Variants in SMYD5 observed in about 807,000 individuals in gnomAD.
SMYD5 encodes SMYD family member 5.
SMYD5 carries 35 observed loss-of-function variants against 57.4 expected under a neutral mutation model. The ratio of observed to expected loss-of-function variants is 0.61; its 90% CI spans 0.47 to 0.81. The LOEUF (loss-of-function observed/expected upper bound fraction) is 0.81. Ranked by LOEUF, SMYD5 falls within the 30% of genes least tolerant of loss-of-function variation. The pLI, the probability that SMYD5 is intolerant of heterozygous loss-of-function variation, is 0.00. For missense variants in SMYD5, 471 were observed against 527.9 expected, an observed-to-expected ratio of 0.89 and a Z score of 1.06; for synonymous variants, 198 against 189.7, an observed-to-expected ratio of 1.04 and a Z score of -0.36.
Position 73,227,147 on chromosome 2 carries a change from C to G in SMYD5, c.*1201C>G. On this transcript the variant is annotated 3_prime_UTR_variant, in exon 13 of 13. Coordinates refer to ENST00000389501, the MANE Select transcript of SMYD5 (RefSeq NM_006062.3). ...TGTCTGGCCCCTTACCCATTGGGTT[C>G]TTACTCCTTCACAACGGTCAGCACT... 1 of 152,798 alleles carries G rather than the reference C, an allele frequency of 6.5e-6. No homozygotes were observed. The highest frequency in any genetic ancestry group is 1.9e-4 in the East Asian group (1 of 5,194). 9.5% of individuals were successfully genotyped at this position (152,798 alleles called of 1,614,324 possible).
chr2:73,218,826 CT>C lies in SMYD5; in HGVS notation c.97-30del, dbSNP rs754176291. On this transcript the variant is annotated intron_variant, in intron 1 of 12. Transcript: ENST00000389501. ...GCTCTCGGAGCTATGTCTTCTGTTCCTTTTTATGGCCATCCTATCCCTCTGC... is the reference window on the plus strand; with the variant it reads ...GCTCTCGGAGCTATGTCTTCTGTTCCTTTTATGGCCATCCTATCCCTCTGC... 8 of 1,525,714 alleles carry C rather than the reference CT, an allele frequency of 5.2e-6. No individual in the cohort carries two copies. The South Asian group carries it at 9.0e-5, about 17-fold the overall frequency. The allele number at this position is 1,525,714 out of a possible 1,614,324, so 94.5% of individuals were successfully genotyped here.
chr2:73,217,926 C>T (rs1049557623), intron 1 of SMYD5, among the ~76,000 whole-genome samples: 13 of 152,146 alleles, frequency 8.5e-5, no homozygotes, highest in Non-Finnish European at 1.8e-4. Context: ...TTTTCTCATT[C>T]TTCATCCTTT....
chr2:73,223,680 A>T, intron 9 of SMYD5, 148 bp downstream of exon 9: 1 of 685,022 alleles, frequency 1.5e-6, no homozygotes, highest in Non-Finnish European at 2.6e-6. Context: ...ATCTGTCCAC[A>T]GGGCACACAG....
chr2:73,225,333 T>TC (rs1236646722), intron 11 of SMYD5: 1 of 518,140 alleles, frequency 1.9e-6, no homozygotes, highest in Non-Finnish European at 3.4e-6. Context: ...TGAGGGCAAG[T>TC]AGCATCATAC....
intron 5 of SMYD5, among the ~76,000 whole-genome samples, chr2:73,221,517 C>T (rs1686397245): frequency 6.7e-6 from 1 of 150,152 alleles, no homozygotes; most frequent in African/African-American, 2.5e-5. Context: ...TGTGCAGTAG[C>T]AATTCATGCA....
intron 1 of SMYD5, among the ~76,000 whole-genome samples, chr2:73,216,677 A>G (rs991978697): frequency 6.6e-6 from 1 of 152,186 alleles, no homozygotes; most frequent in Non-Finnish European, 1.5e-5. Flanking sequence ...CCTGGGCGAC[A>G]GAGGGAGACT....
At chr2:73,214,508 G>A (rs1034356473) in intron 1 of SMYD5, 146 bp downstream of exon 1, 1 of 1,489,800 alleles carries the variant, frequency 6.7e-7, no homozygotes, top group Non-Finnish European at 8.9e-7. Flanking sequence ...GGGGCTCCCA[G>A]TCTGTCCCTG....
At chr2:73,214,456 G>C in intron 1 of SMYD5, 94 bp downstream of exon 1, 2 of 1,588,602 alleles carry the variant, frequency 1.3e-6, no homozygotes, top group Non-Finnish European at 1.7e-6. Context: ...AGAGGCTTCT[G>C]TGCCGCTCGG....
At chr2:73,220,457 C>G (rs1347564073) in intron 3 of SMYD5, among the ~76,000 whole-genome samples, 2 of 152,136 alleles carry the variant, frequency 1.3e-5, no homozygotes, top group Non-Finnish European at 2.9e-5. Context: ...CAGGGGCTCT[C>G]CCCTCTACCT....
At position 73,226,117 on chromosome 2, in the gene SMYD5, C is replaced by T. The variant is rs918343624; in HGVS notation, c.*171C>T. 4.4e-5 allele frequency: 39 copies of T among 883,406 alleles called. No individual in the cohort carries two copies. The highest frequency in any genetic ancestry group is 3.2e-4 in the Admixed American group (11 of 34,274). 54.7% of individuals were successfully genotyped at this position (883,406 alleles called of 1,614,324 possible). ...CTGGATCTCTGGCCCCAACCCCCACCAGACCTCATGCCCTGGACACTGCTG... is the reference window on the plus strand; with the variant it reads ...CTGGATCTCTGGCCCCAACCCCCACTAGACCTCATGCCCTGGACACTGCTG... On this transcript the variant is annotated 3_prime_UTR_variant, in exon 13 of 13. Coordinates refer to ENST00000389501, the MANE Select transcript of SMYD5 (RefSeq NM_006062.3).
Position 73,226,303 on chromosome 2 carries a change from C to A in SMYD5, c.*357C>A, listed in dbSNP as rs1686503406. On this transcript the variant is annotated 3_prime_UTR_variant, in exon 13 of 13. Transcript: ENST00000389501. The stretch of plus-strand genomic sequence containing the variant: ...CCCATACTCACCCCTTCACCTGAGG[C>A]TTCTCCCCTCTCAACTTGCTGTTGA... 1 of 245,306 alleles carries A rather than the reference C, an allele frequency of 4.1e-6. No homozygotes were observed. The highest frequency in any genetic ancestry group is 7.9e-6 in the Non-Finnish European group (1 of 126,976). 15.2% of individuals were successfully genotyped at this position (245,306 alleles called of 1,614,324 possible). A position where few individuals can be genotyped will look rare whatever the true frequency, so the allele number is the denominator to read the frequency against.
chr2:73,216,652 G>A (rs1036084897), intron 1 of SMYD5, among the ~76,000 whole-genome samples: 1 of 152,150 alleles, frequency 6.6e-6, no homozygotes, highest in Non-Finnish European at 1.5e-5. Flanking sequence ...CTGAGGTCGT[G>A]CTACTGCACT....
intron 2 of SMYD5, among the ~76,000 whole-genome samples, chr2:73,219,347 T>C (rs1232353720): frequency 6.6e-6 from 1 of 152,106 alleles, no homozygotes; most frequent in Admixed American, 6.5e-5. Flanking sequence ...CCCTTAGCTT[T>C]GCTGGCCACA....
intron 9 of SMYD5, 26 bp from the exon 10 acceptor site, chr2:73,223,921 A>C: frequency 6.2e-7 from 1 of 1,608,652 alleles, no homozygotes; most frequent in Non-Finnish European, 8.5e-7. Context: ...TGGGTAGAAT[A>C]ATGTGTGTGT....
intron 1 of SMYD5, among the ~76,000 whole-genome samples, chr2:73,216,649 C>T (rs1245079615): frequency 2.0e-5 from 3 of 152,132 alleles, no homozygotes; most frequent in South Asian, 2.1e-4. Context: ...GAGCTGAGGT[C>T]GTGCTACTGC....
chr2:73,222,969 C>T (rs1686423901), intron 7 of SMYD5, 67 bp from the exon 8 acceptor site: 1 of 1,536,714 alleles, frequency 6.5e-7, no homozygotes, highest in Non-Finnish European at 9.0e-7. Context: ...GCTTCCCAAA[C>T]AGAGAGTCCA....
At chr2:73,218,062 T>G (rs1392616791) in intron 1 of SMYD5, among the ~76,000 whole-genome samples, 1 of 152,198 alleles carries the variant, frequency 6.6e-6, no homozygotes, top group Non-Finnish European at 1.5e-5. Context: ...GAGTCTGCAT[T>G]TCTGACAGAG....
intron 9 of SMYD5, 66 bp from the exon 10 acceptor site, chr2:73,223,881 A>G (rs1686452573): frequency 6.9e-7 from 1 of 1,459,676 alleles, no homozygotes; most frequent in South Asian, 1.1e-5. Context: ...TGTCCGTGTA[A>G]GCCTCGTTTC....
intron 6 of SMYD5, 60 bp from the exon 7 acceptor site, chr2:73,222,695 C>A: frequency 6.8e-7 from 1 of 1,476,834 alleles, no homozygotes; most frequent in Non-Finnish European, 9.3e-7. Flanking sequence ...CTGGGCCCTG[C>A]CTGGGTGCTA....
Sources: gnomAD v4.1 joint callset for allele counts (sites outside exome capture counted in the v4.1 genomes callset) on GRCh38, gnomAD v4.1.1 for gene constraint, MANE v1.5 for transcripts, NCBI Gene and HGNC (gene_info 2026-07-23, HGNC 2026-07-21) for gene names.